The following TMEM132D variants were observed in gnomAD, a reference collection of about 807,000 sequenced individuals.
TMEM132D encodes mature OL transmembrane protein.
A neutral mutation model predicts 62.3 loss-of-function variants in TMEM132D; 21 were observed. The ratio of observed to expected loss-of-function variants is 0.34; its 90% CI spans 0.24 to 0.49. TMEM132D has a LOEUF of 0.49. TMEM132D is among the 20% of genes least tolerant of loss of function. The pLI is 0.99. For synonymous variants in TMEM132D, 621 were observed against 575.6 expected (o/e 1.08, Z -1.13); for missense variants, 1,346 against 1,402.8 (o/e 0.96, Z 0.65).
chr12:129,422,270 C>G (rs1195762521), intron 3 of TMEM132D, among the ~76,000 whole-genome samples: 2 of 152,108 alleles, frequency 1.3e-5, no homozygotes, highest in East Asian at 3.9e-4. Flanking sequence ...ATAAACAAAA[C>G]AGAAAGAGGG....
At chr12:129,684,628 T>A (rs939494632) in intron 2 of TMEM132D, among the ~76,000 whole-genome samples, 1 of 151,792 alleles carries the variant, frequency 6.6e-6, no homozygotes, top group African/African-American at 2.4e-5. Flanking sequence ...ATTGGAAATG[T>A]TTGGAGGGCT....
intron 4 of TMEM132D, among the ~76,000 whole-genome samples, chr12:129,283,056 G>A (rs891093870): frequency 2.5e-4 from 38 of 152,136 alleles, no homozygotes; most frequent in African/African-American, 9.2e-4. Context: ...GATTTGCCAG[G>A]CAGGAGCTGA....
At chr12:129,901,444 G>C (rs1427024977) in intron 1 of TMEM132D, among the ~76,000 whole-genome samples, 1 of 152,160 alleles carries the variant, frequency 6.6e-6, no homozygotes, top group East Asian at 1.9e-4. Flanking sequence ...CATGTGCTCA[G>C]ACTCTGCTAA....
intron 3 of TMEM132D, among the ~76,000 whole-genome samples, chr12:129,348,847 G>A (rs931609885): frequency 2.0e-5 from 3 of 152,146 alleles, no homozygotes; most frequent in Non-Finnish European, 4.4e-5. Context: ...CGGGGCCCGA[G>A]ACCTTCCACC....
At chr12:129,158,302 A>C (rs1877302484) in intron 5 of TMEM132D, among the ~76,000 whole-genome samples, 1 of 152,196 alleles carries the variant, frequency 6.6e-6, no homozygotes, top group African/African-American at 2.4e-5. Flanking sequence ...AGGGGAGAGG[A>C]GGCAAAATGG....
At chr12:129,484,856 A>AT (rs1717461992) in intron 3 of TMEM132D, among the ~76,000 whole-genome samples, 1 of 152,218 alleles carries the variant, frequency 6.6e-6, no homozygotes, top group African/African-American at 2.4e-5. Context: ...AGAATTCAAA[A>AT]TTTTTTTAAG....
rs1247975636 is a variant in TMEM132D at position 129,557,820 on chromosome 12, C to T, written c.969-26615G>A. Among the ~76,000 whole-genome samples the T allele has an allele frequency of 4.6e-5, 7 of 152,126 alleles. No homozygotes were observed. In the East Asian group the frequency reaches 1.3e-3, roughly 29 times the overall value. ...TGTGACAATGATTATACAACATACG[C>T]ATATATCAAATCATTACATTGTATA... On this transcript the variant is annotated intron_variant, in intron 2 of 8. Coordinates refer to ENST00000422113, the MANE Select transcript of TMEM132D (RefSeq NM_133448.3).
At chr12:129,198,334 A>G (rs1878603986) in intron 5 of TMEM132D, among the ~76,000 whole-genome samples, 1 of 152,174 alleles carries the variant, frequency 6.6e-6, no homozygotes, top group African/African-American at 2.4e-5. Context: ...AAAGATCTGA[A>G]ATTAATATGT....
intron 1 of TMEM132D, among the ~76,000 whole-genome samples, chr12:129,884,305 TTAAAA>T (rs1874689737): frequency 6.6e-6 from 1 of 152,206 alleles, no homozygotes; most frequent in Non-Finnish European, 1.5e-5. Context: ...AAAAGACATG[TTAAAA>T]TAAACAACAT....
At chr12:129,156,189 AC>A (rs1877239922) in intron 5 of TMEM132D, among the ~76,000 whole-genome samples, 2 of 151,502 alleles carry the variant, frequency 1.3e-5, no homozygotes, top group Admixed American at 1.3e-4. Flanking sequence ...AAGATAACCA[AC>A]CCACTCTCAC....
chr12:129,685,039 T>C (rs1000930414), intron 2 of TMEM132D, among the ~76,000 whole-genome samples: 4 of 152,204 alleles, frequency 2.6e-5, no homozygotes, highest in Non-Finnish European at 5.9e-5. Context: ...TGGTCTTGAA[T>C]TGGAACTTAT....
chr12:129,837,823 G>C (rs1215818701), intron 1 of TMEM132D, among the ~76,000 whole-genome samples: 1 of 152,144 alleles, frequency 6.6e-6, no homozygotes, highest in Non-Finnish European at 1.5e-5. Flanking sequence ...AAATATACAT[G>C]AAATGGTTTC....
chr12:129,363,593 T>G (rs1357476324), intron 3 of TMEM132D, among the ~76,000 whole-genome samples: 1 of 152,250 alleles, frequency 6.6e-6, no homozygotes, highest in Non-Finnish European at 1.5e-5. Flanking sequence ...ATGTATCTAG[T>G]TGATTCCTCA....
chr12:129,791,814 A>C (rs776538912), intron 1 of TMEM132D, among the ~76,000 whole-genome samples: 3 of 152,140 alleles, frequency 2.0e-5, no homozygotes, highest in African/African-American at 7.2e-5. Context: ...AATCAATTTG[A>C]AAAGCAAATA....
chr12:129,780,351 G>GA (rs1871083843), intron 1 of TMEM132D, among the ~76,000 whole-genome samples: 2 of 146,556 alleles, frequency 1.4e-5, no homozygotes, highest in Non-Finnish European at 1.5e-5. Context: ...GGGGGGGGCC[G>GA]GGGGGGCACA....
intron 4 of TMEM132D, among the ~76,000 whole-genome samples, chr12:129,295,978 A>G (rs1881563312): frequency 6.6e-6 from 1 of 152,100 alleles, no homozygotes; most frequent in South Asian, 2.1e-4. Flanking sequence ...ACGAAGGGCC[A>G]ACTATACTCA....
intron 3 of TMEM132D, among the ~76,000 whole-genome samples, chr12:129,461,595 A>G (rs1278462423): frequency 2.6e-5 from 4 of 152,102 alleles, no homozygotes; most frequent in Admixed American, 2.6e-4. Flanking sequence ...AGGTCTTCAC[A>G]TCAAACTGGA....
chr12:129,339,482 A>C (rs1255763836), intron 3 of TMEM132D, among the ~76,000 whole-genome samples: 1 of 142,818 alleles, frequency 7.0e-6, no homozygotes, highest in East Asian at 2.1e-4. Flanking sequence ...TACAAAACGC[A>C]CTCCCTCTTG....
intron 2 of TMEM132D, among the ~76,000 whole-genome samples, chr12:129,687,875 T>C (rs1008135793): frequency 2.6e-5 from 4 of 152,084 alleles, no homozygotes; most frequent in African/African-American, 9.7e-5. Flanking sequence ...TGTTAGGACA[T>C]TGTAGGGAGA....
Sources: allele counts gnomAD v4.1 joint callset (sites outside exome capture counted in the v4.1 genomes callset), GRCh38; gene constraint gnomAD v4.1.1; transcripts MANE v1.5; gene names NCBI Gene and HGNC (gene_info 2026-07-23, HGNC 2026-07-21).